The following WWTR1 variants were observed in gnomAD, a reference collection of about 807,000 sequenced individuals.
WWTR1 encodes WW domain-containing transcription regulator protein 1.
In WWTR1, 13 loss-of-function variants were observed where a neutral mutation model predicts 40.1. That is an observed-to-expected ratio of 0.32 (90% CI 0.21 to 0.52). The LOEUF is 0.52. Among genes scored for constraint, WWTR1 ranks in the 20% least tolerant of loss-of-function variants. The pLI, the probability that WWTR1 is intolerant of heterozygous loss-of-function variation, is 0.97. For missense variants in WWTR1, 436 were observed against 523.1 expected, an observed-to-expected ratio of 0.83 and a Z score of 1.63; for synonymous variants, 230 against 210.1, an observed-to-expected ratio of 1.09 and a Z score of -0.82.
chr3:149,655,464 A>AAAC (rs34656762), intron 2 of WWTR1, among the ~76,000 whole-genome samples: 13,085 of 152,066 alleles, frequency 0.086, 1,462 homozygotes, highest in African/African-American at 0.26. Flanking sequence ...AACAAACAAC[A>AAAC]AACAACAACA....
intron 3 of WWTR1, among the ~76,000 whole-genome samples, chr3:149,543,285 T>C (rs1014508754): frequency 1.3e-5 from 2 of 152,180 alleles, no homozygotes; most frequent in Non-Finnish European, 2.9e-5. Flanking sequence ...TTTCAGCATA[T>C]AGAACTTCAC....
chr3:149,561,806 T>A (rs567120612), intron 3 of WWTR1, among the ~76,000 whole-genome samples: 1 of 152,182 alleles, frequency 6.6e-6, no homozygotes, highest in Non-Finnish European at 1.5e-5. Flanking sequence ...CAAGCATGCA[T>A]GTGTATGTAG....
At chr3:149,666,151 C>T (rs149851062) in intron 2 of WWTR1, among the ~76,000 whole-genome samples, 287 of 152,284 alleles carry the variant, frequency 1.9e-3, no homozygotes, top group African/African-American at 6.7e-3. Context: ...CAAGCCACTG[C>T]TCTTCCTTGT....
intron 1 of WWTR1, among the ~76,000 whole-genome samples, chr3:149,687,832 A>G (rs1475070106): frequency 6.6e-6 from 1 of 152,118 alleles, no homozygotes; most frequent in African/African-American, 2.4e-5. Context: ...TAGCTCCTGG[A>G]TGGCATTTGT....
chr3:149,648,117 CT>C (rs1712639700), intron 2 of WWTR1, among the ~76,000 whole-genome samples: 1 of 152,098 alleles, frequency 6.6e-6, no homozygotes, highest in Non-Finnish European at 1.5e-5. Flanking sequence ...GTCTAAGCAC[CT>C]TTATGAGACT....
At chr3:149,667,625 T>A (rs1713890710) in intron 2 of WWTR1, among the ~76,000 whole-genome samples, 1 of 152,096 alleles carries the variant, frequency 6.6e-6, no homozygotes, top group Non-Finnish European at 1.5e-5. Context: ...TGCTCCAAAT[T>A]CGTGGAAGCC....
intron 1 of WWTR1, among the ~76,000 whole-genome samples, chr3:149,674,563 G>C (rs906480022): frequency 6.6e-6 from 1 of 151,882 alleles, no homozygotes; most frequent in African/African-American, 2.4e-5. Context: ...CTCCATCTTG[G>C]GTGACAGAGA....
At chr3:149,708,347 T>G (rs1383129578) in intron 5 of WWTR1, among the ~76,000 whole-genome samples, 1 of 152,190 alleles carries the variant, frequency 6.6e-6, no homozygotes, top group Non-Finnish European at 1.5e-5. Flanking sequence ...TTTATTATCT[T>G]AACCATTTTG....
At chr3:149,625,789 T>C in intron 2 of WWTR1, among the ~76,000 whole-genome samples, 1 of 128,660 alleles carries the variant, frequency 7.8e-6, no homozygotes, top group East Asian at 2.2e-4. Flanking sequence ...AGATTCCAAA[T>C]AAAAAAAAAA....
intron 2 of WWTR1, among the ~76,000 whole-genome samples, chr3:149,596,020 G>A (rs909277373): frequency 6.6e-6 from 1 of 151,878 alleles, no homozygotes; most frequent in Non-Finnish European, 1.5e-5. Flanking sequence ...TGGGCAACAT[G>A]GTGAGATTCC....
Position 149,685,455 on chromosome 3 carries a change from G to C in WWTR1, c.-107-15564C>G, listed in dbSNP as rs561515768. Among the ~76,000 whole-genome samples, 22 of 152,284 alleles carry C rather than the reference G, an allele frequency of 1.4e-4. No homozygotes were observed. In the East Asian group the frequency reaches 4.2e-3, roughly 29 times the overall value. ...CTAGGGTTCAGTCTACTCTGGCTGA[G>C]GCCCAGTGAAACTTCTTGCTCTGGG... On this transcript the variant is annotated intron_variant, in intron 1 of 7. Coordinates refer to the WWTR1 transcript ENST00000465804.
At chr3:149,622,891 A>T (rs112854168) in intron 2 of WWTR1, among the ~76,000 whole-genome samples, 3,112 of 151,210 alleles carry the variant, frequency 0.021, 84 homozygotes, top group African/African-American at 0.066. Context: ...CCTTGTCTCA[A>T]AATAATAATA....
At chr3:149,596,552 G>GC (rs897201672) in intron 2 of WWTR1, among the ~76,000 whole-genome samples, 3 of 152,032 alleles carry the variant, frequency 2.0e-5, no homozygotes, top group African/African-American at 7.2e-5. Flanking sequence ...AATACACAAG[G>GC]CAACAGCCGT....
Position 149,517,598 on chromosome 3 carries a change from A to G in WWTR1, c.*3207T>C, listed in dbSNP as rs555652422. On this transcript the variant is annotated 3_prime_UTR_variant, in exon 7 of 7. Coordinates refer to ENST00000360632, the MANE Select transcript of WWTR1 (RefSeq NM_015472.6). ...ACTTGTAATTAGCAACACTTCTGTC[A>G]GTCTAGATCACTTCTTCTGCAGAGA... is the stretch of plus-strand genomic sequence containing the variant. The G allele has an allele frequency of 8.5e-4, 130 of 152,288 alleles. No individual in the cohort carries two copies. Among genetic ancestry groups the G allele is most frequent in the African/African-American group, 3.0e-3 (123 of 41,574 alleles). 9.4% of individuals were successfully genotyped at this position (152,288 alleles called of 1,614,324 possible).
At chr3:149,566,346 A>G (rs1737329024) in intron 3 of WWTR1, among the ~76,000 whole-genome samples, 1 of 152,132 alleles carries the variant, frequency 6.6e-6, no homozygotes, top group Non-Finnish European at 1.5e-5. Context: ...TACAACACCC[A>G]CAACACCCAA....
At chr3:149,664,037 C>A (rs1221232459) in intron 2 of WWTR1, among the ~76,000 whole-genome samples, 1 of 152,230 alleles carries the variant, frequency 6.6e-6, no homozygotes, top group African/African-American at 2.4e-5. Context: ...CTCAGGAAAG[C>A]TTCAGCTGCT....
intron 2 of WWTR1, among the ~76,000 whole-genome samples, chr3:149,620,345 C>CT (rs1007368646): frequency 2.9e-4 from 44 of 152,256 alleles, no homozygotes; most frequent in African/African-American, 9.9e-4. Flanking sequence ...CTAACTGGAT[C>CT]TTTTTGGAAC....
intron 5 of WWTR1, among the ~76,000 whole-genome samples, chr3:149,714,564 A>T: frequency 6.6e-6 from 1 of 152,226 alleles, no homozygotes; most frequent in Non-Finnish European, 1.5e-5. Context: ...TTGGGAACTA[A>T]TGAACATGGG....
At chr3:149,528,089 T>A (rs1735413904) in intron 4 of WWTR1, 120 bp from the exon 5 acceptor site, 1 of 1,272,076 alleles carries the variant, frequency 7.9e-7, no homozygotes, top group Non-Finnish European at 1.1e-6. Flanking sequence ...TCCCAGCAAG[T>A]CAAAATCACC....
Sources: gnomAD v4.1 joint callset for allele counts (sites outside exome capture counted in the v4.1 genomes callset) on GRCh38, gnomAD v4.1.1 for gene constraint, MANE v1.5 for transcripts, NCBI Gene and HGNC (gene_info 2026-07-23, HGNC 2026-07-21) for gene names.